The following RBFOX1 variants were observed in gnomAD, a reference collection of about 807,000 sequenced individuals.
RBFOX1 encodes RNA binding protein fox-1 homolog 1.
RBFOX1 carries 8 observed loss-of-function variants against 57.7 expected under a neutral mutation model. That is an observed-to-expected ratio of 0.14 (90% confidence interval 0.08 to 0.25). RBFOX1 has a LOEUF of 0.25. Among genes scored for constraint, RBFOX1 ranks in the 10% least tolerant of loss-of-function variants. The probability of loss-of-function intolerance (pLI) is 1.00; values close to 1 mark genes in which losing one functional copy is unlikely to be tolerated. For missense variants in RBFOX1, 611 were observed against 548.5 expected (o/e 1.11, Z -1.14); for synonymous variants, 326 against 222.4 (o/e 1.47, Z -4.15).
At chr16:7,303,188 G>T (rs1372607723) in intron 4 of RBFOX1, among the ~76,000 whole-genome samples, 1 of 152,204 alleles carries the variant, frequency 6.6e-6, no homozygotes, top group Non-Finnish European at 1.5e-5. Flanking sequence ...TCGCTGGCTC[G>T]GGGCTGCCTG....
intron 2 of RBFOX1, among the ~76,000 whole-genome samples, chr16:5,481,923 C>G (rs2069557794): frequency 6.6e-6 from 1 of 152,202 alleles, no homozygotes; most frequent in Non-Finnish European, 1.5e-5. Context: ...GACCTCATCT[C>G]ACTTTAGTTA....
chr16:6,712,987 C>G (rs1275296504), intron 3 of RBFOX1, among the ~76,000 whole-genome samples: 2 of 146,140 alleles, frequency 1.4e-5, no homozygotes, highest in Non-Finnish European at 3.0e-5. Context: ...TGCACATGCT[C>G]TCTTGCCTGC....
chr16:6,239,774 G>A (rs1342588445), intron 1 of RBFOX1, among the ~76,000 whole-genome samples: 4 of 152,136 alleles, frequency 2.6e-5, no homozygotes, highest in Admixed American at 2.6e-4. Flanking sequence ...TGGGATTACA[G>A]GGGTGAGCCA....
chr16:7,064,809 G>T (rs578205212), intron 4 of RBFOX1, among the ~76,000 whole-genome samples: 2 of 152,200 alleles, frequency 1.3e-5, no homozygotes, highest in South Asian at 4.1e-4. Context: ...TCATCCTGAT[G>T]TGTATTGGTA....
intron 1 of RBFOX1, among the ~76,000 whole-genome samples, chr16:5,429,638 G>C (rs1368510907): frequency 6.6e-6 from 1 of 152,202 alleles, no homozygotes; most frequent in Non-Finnish European, 1.5e-5. Context: ...ACCAGAATGA[G>C]GTGTGGGTGG....
At chr16:7,082,129 T>G (rs11646752) in intron 4 of RBFOX1, among the ~76,000 whole-genome samples, 1 of 151,808 alleles carries the variant, frequency 6.6e-6, no homozygotes, top group African/African-American at 2.4e-5. Context: ...CTTGGTATCC[T>G]AATTCCCTGT....
intron 3 of RBFOX1, among the ~76,000 whole-genome samples, chr16:5,864,471 T>A (rs551084828): frequency 8.5e-4 from 129 of 152,092 alleles, no homozygotes; most frequent in African/African-American, 3.0e-3. Context: ...TTGATGTATC[T>A]CCTTTGATAC....
intron 10 of RBFOX1, among the ~76,000 whole-genome samples, chr16:7,618,633 T>C (rs1184256748): frequency 1.3e-5 from 2 of 152,226 alleles, no homozygotes; most frequent in Non-Finnish European, 2.9e-5. Context: ...AAATTTATTG[T>C]TCTTATTTCC....
intron 2 of RBFOX1, among the ~76,000 whole-genome samples, chr16:6,521,441 C>G (rs1303134020): frequency 6.9e-6 from 1 of 145,424 alleles, no homozygotes; most frequent in African/African-American, 2.6e-5. Context: ...CTTCCCTCCC[C>G]TCCCCTCCCG....
At chr16:6,664,944 C>A (rs536665748) in intron 3 of RBFOX1, among the ~76,000 whole-genome samples, 3 of 152,262 alleles carry the variant, frequency 2.0e-5, no homozygotes, top group East Asian at 3.9e-4. Context: ...GGACAGACAT[C>A]GTTTGTAAAT....
chr16:6,463,211 A>C (rs1037539027), intron 2 of RBFOX1, among the ~76,000 whole-genome samples: 2 of 152,186 alleles, frequency 1.3e-5, no homozygotes, highest in African/African-American at 4.8e-5. Context: ...GAAATCTAAC[A>C]TGCATTATTT....
chr16:5,553,793 C>G (rs1045811162), intron 2 of RBFOX1, among the ~76,000 whole-genome samples: 23 of 145,738 alleles, frequency 1.6e-4, no homozygotes, highest in African/African-American at 5.5e-4. Context: ...ATTGAAAAAA[C>G]ATGTATACTA....
At chr16:7,148,973 T>C (rs1360507153) in intron 4 of RBFOX1, among the ~76,000 whole-genome samples, 4 of 152,234 alleles carry the variant, frequency 2.6e-5, no homozygotes, top group African/African-American at 9.7e-5. Context: ...ATAGGAAACC[T>C]GAAGCCATAG....
chr16:6,994,705 G>T (rs1467544440), intron 3 of RBFOX1, among the ~76,000 whole-genome samples: 1 of 152,148 alleles, frequency 6.6e-6, no homozygotes, highest in Non-Finnish European at 1.5e-5. Flanking sequence ...GTTGTATTCT[G>T]AAAGTCCTGA....
chr16:7,232,561 C>T (rs916732360), intron 4 of RBFOX1, among the ~76,000 whole-genome samples: 1 of 152,046 alleles, frequency 6.6e-6, no homozygotes. Flanking sequence ...AGATAACAGG[C>T]CAGGCATAAG....
chr16:6,377,224 A>G (rs560525812), intron 2 of RBFOX1, among the ~76,000 whole-genome samples: 3 of 149,772 alleles, frequency 2.0e-5, no homozygotes, highest in African/African-American at 7.5e-5. Context: ...CAGTGAGCCA[A>G]GGTCATGCAA....
chr16:5,886,613 C>G (rs1031283839), intron 4 of RBFOX1, among the ~76,000 whole-genome samples: 1 of 152,148 alleles, frequency 6.6e-6, no homozygotes, highest in Non-Finnish European at 1.5e-5. Context: ...TTTGGCTGGG[C>G]GCGGTGGCTC....
rs563920145 is a variant in RBFOX1 at position 5,665,570 on chromosome 16, C to T, written c.318+66609C>T. Among the ~76,000 whole-genome samples the T allele has an allele frequency of 2.4e-3, 358 of 152,318 alleles. 1 individual carries two copies. Among genetic ancestry groups the T allele is most frequent in the African/African-American group, 7.7e-3 (318 of 41,560 alleles). On this transcript the variant is annotated intron_variant, in intron 3 of 19. Transcript: ENST00000641259. ...CCCTGACCAGCTAGTGCCACAGGGG[C>T]AGGGACCTTTGGGTCACCAGTCACC...
intron 2 of RBFOX1, among the ~76,000 whole-genome samples, chr16:6,623,818 C>T (rs1206988260): frequency 1.3e-5 from 2 of 152,176 alleles, no homozygotes; most frequent in African/African-American, 2.4e-5. Context: ...TGTATATGTG[C>T]CACATTTTCT....
Sources: gnomAD v4.1 joint callset for allele counts (sites outside exome capture counted in the v4.1 genomes callset) on GRCh38, gnomAD v4.1.1 for gene constraint, MANE v1.5 for transcripts, NCBI Gene and HGNC (gene_info 2026-07-23, HGNC 2026-07-21) for gene names.